The following CNOT6 variants were observed in gnomAD, a reference collection of about 807,000 sequenced individuals.
The protein encoded by CNOT6 is CCR4-NOT transcription complex subunit 6.
A neutral mutation model predicts 61.2 loss-of-function variants in CNOT6; 12 were observed. That is an observed-to-expected ratio of 0.20 (90% CI 0.13 to 0.32). The LOEUF (loss-of-function observed/expected upper bound fraction) is 0.32, where lower values mean the gene tolerates loss of function less well. Among genes scored for constraint, CNOT6 ranks in the 10% least tolerant of loss-of-function variants. The probability of loss-of-function intolerance (pLI) is 1.00; values close to 1 mark genes in which losing one functional copy is unlikely to be tolerated. For missense variants in CNOT6, 405 were observed against 663.9 expected, an observed-to-expected ratio of 0.61 and a Z score of 4.28; for synonymous variants, 225 against 240.6, an observed-to-expected ratio of 0.94 and a Z score of 0.60.
chr5:180,548,419 G>C (rs890153864), intron 2 of CNOT6, among the ~76,000 whole-genome samples: 7 of 152,148 alleles, frequency 4.6e-5, no homozygotes, highest in Non-Finnish European at 7.4e-5. Flanking sequence ...GAGCCAGGGA[G>C]TGGGGGGCCC....
chr5:180,565,704 A>T, intron 6 of CNOT6, 116 bp from the exon 7 acceptor site: 1 of 949,686 alleles, frequency 1.1e-6, no homozygotes. Flanking sequence ...CTTTTCAGTG[A>T]CTATAGATTG....
In CNOT6 at chr5:180,500,440, T is replaced by C. The variant is rs13157934; in HGVS notation, c.-3+5677T>C. Among the ~76,000 whole-genome samples the C allele has an allele frequency of 6.1e-3, 53 of 8,678 alleles. 1 individual carries two copies. Among genetic ancestry groups the C allele is most frequent in the South Asian group, 0.041 (3 of 74 alleles). The allele number at this position is 8,678 out of a possible 152,430, so 5.7% of individuals were successfully genotyped here. ...TTCACGTTTTCTTTTTCTTTTCTTT[T>C]CTTTTTTTTTTTTTTGAGATGGAGT... On this transcript the variant is annotated intron_variant, in intron 1 of 11. Coordinates refer to ENST00000261951, the MANE Select transcript of CNOT6 (RefSeq NM_001370472.1).
chr5:180,563,495 G>A (rs754767806), intron 4 of CNOT6, among the ~76,000 whole-genome samples: 4 of 152,086 alleles, frequency 2.6e-5, no homozygotes, highest in Non-Finnish European at 4.4e-5. Flanking sequence ...GCCCGCCTCG[G>A]CCTCCCAAAG....
chr5:180,531,661 C>T (rs971124337), intron 2 of CNOT6, among the ~76,000 whole-genome samples: 16 of 152,282 alleles, frequency 1.1e-4, no homozygotes, highest in Non-Finnish European at 2.1e-4. Flanking sequence ...TGTAGCGAGC[C>T]GAGATCACGC....
chr5:180,498,955 A>T (rs1756744116), intron 1 of CNOT6, among the ~76,000 whole-genome samples: 3 of 152,024 alleles, frequency 2.0e-5, no homozygotes, highest in African/African-American at 7.2e-5. Flanking sequence ...ACGCCGACTA[A>T]TTTTTTTGTA....
At chr5:180,519,187 T>A (rs569635795) in intron 1 of CNOT6, among the ~76,000 whole-genome samples, 2 of 152,322 alleles carry the variant, frequency 1.3e-5, no homozygotes, top group South Asian at 4.1e-4. Flanking sequence ...GAAGTCCAAG[T>A]AAGTTGTTTT....
At chr5:180,522,072 G>A (rs1466643808) in intron 1 of CNOT6, among the ~76,000 whole-genome samples, 1 of 152,134 alleles carries the variant, frequency 6.6e-6, no homozygotes, top group African/African-American at 2.4e-5. Context: ...GAATTGCTGG[G>A]CCAAACGGGT....
At chr5:180,547,526 G>GAGAAA in intron 2 of CNOT6, among the ~76,000 whole-genome samples, 1 of 151,826 alleles carries the variant, frequency 6.6e-6, no homozygotes, top group Non-Finnish European at 1.5e-5. Flanking sequence ...TGAAAAAAAA[G>GAGAAA]AGAAAAGAAA....
At chr5:180,498,805 TTTC>T (rs770685937) in intron 1 of CNOT6, among the ~76,000 whole-genome samples, 12 of 152,106 alleles carry the variant, frequency 7.9e-5, no homozygotes, top group African/African-American at 2.4e-4. Context: ...TTGAATCTGT[TTTC>T]TTCTTTTTTT....
chr5:180,550,300 A>C (rs1759530490), intron 3 of CNOT6, among the ~76,000 whole-genome samples, 183 bp downstream of exon 3: 1 of 152,006 alleles, frequency 6.6e-6, no homozygotes, highest in Non-Finnish European at 1.5e-5. Context: ...AAATACAAAA[A>C]ATTAGCCAGG....
intron 11 of CNOT6, among the ~76,000 whole-genome samples, chr5:180,571,814 C>T (rs1760763727): frequency 1.3e-5 from 2 of 152,274 alleles, no homozygotes; most frequent in South Asian, 4.1e-4. Context: ...TCTTCCACCT[C>T]AGCCTCCCAG....
intron 2 of CNOT6, among the ~76,000 whole-genome samples, chr5:180,543,048 T>A (rs548459120): frequency 2.5e-4 from 38 of 152,266 alleles, no homozygotes; most frequent in South Asian, 4.1e-4. Flanking sequence ...TGAATTTTTT[T>A]AAATTTATTT....
intron 6 of CNOT6, among the ~76,000 whole-genome samples, chr5:180,565,104 A>G (rs1452068544): frequency 1.3e-5 from 2 of 152,250 alleles, no homozygotes; most frequent in East Asian, 3.8e-4. Flanking sequence ...AGGCCCCCAC[A>G]ACAGACTTCA....
chr5:180,529,457 C>A, intron 2 of CNOT6, 69 bp downstream of exon 2: 1 of 809,930 alleles, frequency 1.2e-6, no homozygotes. Flanking sequence ...TTTTCTAATG[C>A]CAATACAGGA....
chr5:180,534,660 C>G (rs1758579610), intron 2 of CNOT6: 1 of 150,046 alleles, frequency 6.7e-6, no homozygotes, highest in South Asian at 2.1e-4. Flanking sequence ...GCCGGAGTCG[C>G]TGGGGTCCGA....
intron 1 of CNOT6, among the ~76,000 whole-genome samples, chr5:180,524,709 A>G (rs1758018007): frequency 6.6e-6 from 1 of 152,252 alleles, no homozygotes; most frequent in Non-Finnish European, 1.5e-5. Flanking sequence ...CAAACTGAAC[A>G]TTGATTCACA....
rs70973919 is a variant in CNOT6, at chr5:180,505,251, ATTT to A, written c.-3+10508_-3+10510del. ...CTGGGATTACAGGCGGTAATAGTTA[ATTT>A]TTTTTTTTTTTTTTTTTTTGAGACG... On this transcript the variant is annotated intron_variant, in intron 1 of 11. Transcript: ENST00000261951. Among the ~76,000 whole-genome samples, 409 of 60,388 alleles carry A rather than the reference ATTT, an allele frequency of 6.8e-3. 9 individuals carry two copies. The highest frequency in any genetic ancestry group is 0.012 in the South Asian group (22 of 1,846). 39.6% of individuals were successfully genotyped at this position (60,388 alleles called of 152,430 possible). A position where few individuals can be genotyped will look rare whatever the true frequency, so the allele number is the denominator to read the frequency against.
Position 180,516,699 on chromosome 5 carries a change from A to G in CNOT6, c.-2-12576A>G, listed in dbSNP as rs552434740. Among the ~76,000 whole-genome samples the G allele has an allele frequency of 2.0e-3, 312 of 152,324 alleles. 2 individuals carry two copies. Among genetic ancestry groups the G allele is most frequent in the African/African-American group, 5.8e-3 (243 of 41,566 alleles). On this transcript the variant is annotated intron_variant, in intron 1 of 11. Transcript: ENST00000261951. ...TGTTAAATGTCTTCTCTCATTGTCC[A>G]TAAAATTTTTTTTATTGCTGATTTG... is the stretch of plus-strand genomic sequence containing the variant.
At chr5:180,564,164 C>G (rs1760331897) in intron 4 of CNOT6, among the ~76,000 whole-genome samples, 1 of 152,138 alleles carries the variant, frequency 6.6e-6, no homozygotes, top group South Asian at 2.1e-4. Flanking sequence ...ACCTGCCTGC[C>G]CCGTTCGTGT....
Sources: allele counts gnomAD v4.1 joint callset (sites outside exome capture counted in the v4.1 genomes callset), GRCh38; gene constraint gnomAD v4.1.1; transcripts MANE v1.5; gene names NCBI Gene and HGNC (gene_info 2026-07-23, HGNC 2026-07-21).